The following MYO10 variants were observed in gnomAD, a reference collection of about 807,000 sequenced individuals.
MYO10 encodes the protein unconventional myosin-X.
A neutral mutation model predicts 257.3 loss-of-function variants in MYO10; 133 were observed. The observed-to-expected ratio is 0.52, with a 90% confidence interval of 0.45 to 0.60. MYO10 has a LOEUF of 0.60. Among genes scored for constraint, MYO10 ranks in the 20% least tolerant of loss-of-function variants. The pLI is 0.00. For synonymous variants in MYO10, 1,104 were observed against 1,028.6 expected (o/e 1.07, Z -1.40); for missense variants, 2,399 against 2,635.7 (o/e 0.91, Z 1.97).
rs1160121498 is a variant in MYO10 at position 16,704,684 on chromosome 5, A to G, written c.2171T>C (p.Val724Ala). 1 of 1,613,404 alleles carries G rather than the reference A, an allele frequency of 6.2e-7. No individual in the cohort carries two copies. The highest frequency in any genetic ancestry group is 8.5e-7 in the Non-Finnish European group (1 of 1,179,468). The change falls in exon 22 of 41, where the codon GTC (valine) becomes GCC (alanine). Residue 724 changes from valine (V) to alanine (A), a missense_variant and splice_region_variant. Physicochemically the swap from Val to Ala is moderately conservative, Grantham distance 64. Coordinates refer to ENST00000513610, the MANE Select transcript of MYO10 (RefSeq NM_012334.3). ...CTGTTCCAAGGATTCTCGAAGAAAG[A>G]CCTGCTCAGGACGGAGTCACATGTC... is the stretch of plus-strand genomic sequence containing the variant. ...NSEWQLGKTK[V>A]FLRESLEQKL...
intron 29 of MYO10, among the ~76,000 whole-genome samples, chr5:16,684,316 C>CT (rs897981109): frequency 6.6e-6 from 1 of 152,168 alleles, no homozygotes; most frequent in Non-Finnish European, 1.5e-5. Context: ...GATCTCAGCT[C>CT]AACGCAACCT....
rs1427447797 is a variant in MYO10 at position 16,923,765 on chromosome 5, T to G, written c.21+12023A>C. Among the ~76,000 whole-genome samples the G allele has an allele frequency of 4.6e-5, 7 of 150,706 alleles. No individual in the cohort carries two copies. The East Asian group carries it at 1.4e-3, about 29-fold the overall frequency. ...GTAACTGTTGTTGCCTAGGGTTAACTCACAAGGATACTAAAATGCAAAGAA... is the reference window on the plus strand; with the variant it reads ...GTAACTGTTGTTGCCTAGGGTTAACGCACAAGGATACTAAAATGCAAAGAA... On this transcript the variant is annotated intron_variant, in intron 1 of 40. Coordinates refer to ENST00000513610, the MANE Select transcript of MYO10 (RefSeq NM_012334.3).
intron 1 of MYO10, among the ~76,000 whole-genome samples, chr5:16,886,754 A>G (rs1744908087): frequency 6.6e-6 from 1 of 151,916 alleles, no homozygotes. Flanking sequence ...CAACATGGTG[A>G]AACCCCGCCT....
chr5:16,886,172 A>C (rs1021405278), intron 1 of MYO10, among the ~76,000 whole-genome samples: 2 of 152,208 alleles, frequency 1.3e-5, no homozygotes, highest in Non-Finnish European at 2.9e-5. Context: ...CTCAGGTCAA[A>C]GGATGCGGAG....
At chr5:16,928,646 C>G (rs1021275712) in intron 1 of MYO10, among the ~76,000 whole-genome samples, 1 of 151,844 alleles carries the variant, frequency 6.6e-6, no homozygotes, top group African/African-American at 2.4e-5. Flanking sequence ...GAAATCGAGA[C>G]CATTCTGGCC....
rs1561000850 is a variant in MYO10, at chr5:16,818,400, G to GTATATATATATACGTATATATA, written c.121-234_121-233insTATATATACGTATATATATATA. Reference sequence around the variant, plus strand: ...TGTGTGCGTGTGTGTGTGTGTGTGTGTGTGTGTGTGTATATATATATATAT... The same window carrying GTATATATATATACGTATATATA: ...TGTGTGCGTGTGTGTGTGTGTGTGTGTATATATATATACGTATATATATGTGTGTGTGTATATATATATATAT... On this transcript the variant is annotated intron_variant, in intron 2 of 40. Coordinates refer to ENST00000513610, the MANE Select transcript of MYO10 (RefSeq NM_012334.3). 8.0e-4 allele frequency among the ~76,000 whole-genome samples: 90 copies of GTATATATATATACGTATATATA among 112,466 alleles called. 3 individuals carry two copies. The highest frequency in any genetic ancestry group is 3.1e-3 in the African/African-American group (84 of 27,368). 73.8% of individuals were successfully genotyped at this position (112,466 alleles called of 152,430 possible). A position where few individuals can be genotyped will look rare whatever the true frequency, so the allele number is the denominator to read the frequency against.
At chr5:16,832,965 A>G (rs555476421) in intron 2 of MYO10, among the ~76,000 whole-genome samples, 1 of 152,142 alleles carries the variant, frequency 6.6e-6, no homozygotes, top group South Asian at 2.1e-4. Context: ...GGATCAGATA[A>G]TAACACAATC....
chr5:16,684,235 C>T (rs1385760962), intron 29 of MYO10, among the ~76,000 whole-genome samples: 3 of 151,882 alleles, frequency 2.0e-5, no homozygotes, highest in Non-Finnish European at 2.9e-5. Flanking sequence ...CTACAAGTAC[C>T]TCTATTTTAA....
At chr5:16,838,604 C>T (rs1209616247) in intron 2 of MYO10, among the ~76,000 whole-genome samples, 1 of 152,158 alleles carries the variant, frequency 6.6e-6, no homozygotes, top group African/African-American at 2.4e-5. Context: ...GCAAGTTATT[C>T]AGAAGATCTA....
chr5:16,751,557 T>C (rs1220525492), intron 19 of MYO10, among the ~76,000 whole-genome samples: 4 of 151,956 alleles, frequency 2.6e-5, no homozygotes, highest in African/African-American at 7.3e-5. Flanking sequence ...TCTCAGCTCA[T>C]GGCAACCACC....
At chr5:16,824,762 G>A (rs1281111146) in intron 2 of MYO10, among the ~76,000 whole-genome samples, 1 of 152,104 alleles carries the variant, frequency 6.6e-6, no homozygotes, top group Non-Finnish European at 1.5e-5. Flanking sequence ...AGCTACTCAG[G>A]AGGCTGAGGC....
intron 3 of MYO10, among the ~76,000 whole-genome samples, chr5:16,796,474 A>AAAGAAAG (rs1276170429): frequency 0.029 from 3,817 of 129,950 alleles, 89 homozygotes; most frequent in South Asian, 0.051. Context: ...GAAAGAAAAG[A>AAAGAAAG]AAAGAAAAGA....
intron 2 of MYO10, among the ~76,000 whole-genome samples, chr5:16,821,443 C>CTTTTTTTTTTTTTT (rs571931909): frequency 1.4e-5 from 1 of 70,236 alleles, no homozygotes. Context: ...CTCCTATTTT[C>CTTTTTTTTTTTTTT]TTTTTTTTTT....
chr5:16,877,955 G>C, intron 1 of MYO10, among the ~76,000 whole-genome samples: 1 of 152,148 alleles, frequency 6.6e-6, no homozygotes, highest in East Asian at 1.9e-4. Flanking sequence ...GCTAGCCCCT[G>C]TGTTCTCACC....
chr5:16,751,509 T>C (rs1740376183), intron 19 of MYO10, among the ~76,000 whole-genome samples: 1 of 151,918 alleles, frequency 6.6e-6, no homozygotes. Flanking sequence ...TGAGACAGAG[T>C]CTCACTCTGT....
At chr5:16,783,599 C>G in intron 4 of MYO10, 130 bp from the exon 5 acceptor site, 1 of 1,061,642 alleles carries the variant, frequency 9.4e-7, no homozygotes, top group East Asian at 2.6e-5. Flanking sequence ...ATCAAAATGC[C>G]TGTTTCCAAA....
At chr5:16,690,041 A>G (rs1737428107) in intron 27 of MYO10, 122 bp from the exon 28 acceptor site, 3 of 711,902 alleles carry the variant, frequency 4.2e-6, no homozygotes, top group Non-Finnish European at 7.5e-6. Context: ...GAAACGGTAC[A>G]CAGTTGGCTC....
chr5:16,813,253 C>A (rs1196559064), intron 3 of MYO10, among the ~76,000 whole-genome samples: 6 of 152,136 alleles, frequency 3.9e-5, no homozygotes, highest in Admixed American at 3.9e-4. Flanking sequence ...GATGCGGAGG[C>A]TCATGCCTGT....
intron 2 of MYO10, among the ~76,000 whole-genome samples, chr5:16,873,077 C>T (rs768053404): frequency 1.3e-5 from 2 of 152,160 alleles, no homozygotes; most frequent in Non-Finnish European, 2.9e-5. Context: ...CAGAAGTCCA[C>T]AGTCCAAAGT....
Sources: gnomAD v4.1 joint callset for allele counts (sites outside exome capture counted in the v4.1 genomes callset) on GRCh38, gnomAD v4.1.1 for gene constraint, MANE v1.5 for transcripts, NCBI Gene and HGNC (gene_info 2026-07-23, HGNC 2026-07-21) for gene names.